The following LCP1 variants were observed in gnomAD, a reference collection of about 807,000 sequenced individuals.
LCP1 encodes plastin-2.
A neutral mutation model predicts 72.0 loss-of-function variants in LCP1; 23 were observed. That is an observed-to-expected ratio of 0.32 (90% CI 0.23 to 0.45). LCP1 has a LOEUF of 0.45. Among genes scored for constraint, LCP1 ranks in the 20% least tolerant of loss-of-function variants. The pLI, the probability that LCP1 is intolerant of heterozygous loss-of-function variation, is 1.00. For synonymous variants in LCP1, 245 were observed against 275.4 expected, an observed-to-expected ratio of 0.89 and a Z score of 1.09; for missense variants, 571 against 748.3, an observed-to-expected ratio of 0.76 and a Z score of 2.76.
chr13:46,156,401 G>A, intron 5 of LCP1, 37 bp downstream of exon 5: 1 of 1,605,264 alleles, frequency 6.2e-7, no homozygotes, highest in Non-Finnish European at 8.5e-7. Context: ...TAGAAAATGG[G>A]CAATTCTTTG....
rs2045603405 is a variant in LCP1 at position 46,127,072 on chromosome 13, T to C, written c.*519A>G. 2 of 230,984 alleles carry C rather than the reference T, an allele frequency of 8.7e-6. No homozygotes were observed. Among genetic ancestry groups the C allele is most frequent in the African/African-American group, 4.4e-5 (2 of 45,120 alleles). The allele number at this position is 230,984 out of a possible 1,614,324, so 14.3% of individuals were successfully genotyped here. A position where few individuals can be genotyped will look rare whatever the true frequency, so the allele number is the denominator to read the frequency against. On this transcript the variant is annotated 3_prime_UTR_variant, in exon 16 of 16. Coordinates refer to ENST00000323076, the MANE Select transcript of LCP1 (RefSeq NM_002298.5). ...AGATGGGCCCCCCCGGAAGGCATGG[T>C]TCCAAAAGTGTGAGGAGCAAAGTCA... is the stretch of plus-strand genomic sequence containing the variant.
chr13:46,138,688 C>T (rs1316712239), intron 13 of LCP1, among the ~76,000 whole-genome samples: 3 of 152,144 alleles, frequency 2.0e-5, no homozygotes, highest in Non-Finnish European at 4.4e-5. Flanking sequence ...GCTCCGTCAC[C>T]CAGGCTGGAG....
intron 13 of LCP1, among the ~76,000 whole-genome samples, chr13:46,141,502 A>G (rs2045698657): frequency 6.6e-6 from 1 of 152,058 alleles, no homozygotes; most frequent in Non-Finnish European, 1.5e-5. Flanking sequence ...GCCAGAAAAG[A>G]AATACTACAT....
At chr13:46,146,711 A>G (rs2045732798) in intron 10 of LCP1, among the ~76,000 whole-genome samples, 197 bp downstream of exon 10, 1 of 152,254 alleles carries the variant, frequency 6.6e-6, no homozygotes, top group South Asian at 2.1e-4. Context: ...TGGACGTGAT[A>G]GAATGGTATT....
chr13:46,180,898 T>C (rs896348110), intron 1 of LCP1, among the ~76,000 whole-genome samples: 15 of 152,250 alleles, frequency 9.9e-5, no homozygotes, highest in African/African-American at 3.1e-4. Context: ...AGTTTCACAT[T>C]TTTGCTTGTT....
chr13:46,131,835 T>C (rs2138216592), intron 14 of LCP1, among the ~76,000 whole-genome samples: 1 of 152,036 alleles, frequency 6.6e-6, no homozygotes, highest in East Asian at 1.9e-4. Context: ...GTAGGAACAA[T>C]AGACATTGAT....
intron 1 of LCP1, among the ~76,000 whole-genome samples, chr13:46,168,111 C>A (rs532733486): frequency 1.3e-5 from 2 of 152,124 alleles, no homozygotes; most frequent in Non-Finnish European, 2.9e-5. Flanking sequence ...ATGGAAATAA[C>A]TGGCAGGAAA....
chr13:46,148,069 C>A (rs1201181945), intron 9 of LCP1, among the ~76,000 whole-genome samples: 1 of 152,130 alleles, frequency 6.6e-6, no homozygotes, highest in African/African-American at 2.4e-5. Context: ...ACATTCAGAC[C>A]CATGTGGGGT....
Position 46,130,903 on chromosome 13 carries a change from G to A in LCP1, c.1662C>T (p.Asp554=). Residue 554 remains aspartate, a synonymous_variant, in exon 15 of 16, where the codon GAC becomes GAT. Transcript: ENST00000323076. ...AACCTGGTTGGATGGCATCGATGAG[G>A]TCCAGAACAGGCAGACTTGTACTAA... ...PKISTSLPVL[D]LIDAIQPGSI... 6.2e-7 allele frequency: 1 copy of A among 1,611,762 alleles called. No individual in the cohort carries two copies. The highest frequency in any genetic ancestry group is 8.5e-7 in the Non-Finnish European group (1 of 1,179,106).
intron 1 of LCP1, among the ~76,000 whole-genome samples, chr13:46,162,445 G>A (rs2045845828): frequency 6.6e-6 from 1 of 151,906 alleles, no homozygotes; most frequent in African/African-American, 2.4e-5. Flanking sequence ...GATTGCAGGC[G>A]CGCGCCTCCA....
At chr13:46,165,730 A>C (rs186994525) in intron 1 of LCP1, among the ~76,000 whole-genome samples, 54 of 152,296 alleles carry the variant, frequency 3.5e-4, no homozygotes, top group African/African-American at 1.2e-3. Context: ...GTCTTCTGCA[A>C]ATCCGTGGTC....
At position 46,130,802 on chromosome 13, in the gene LCP1, T is replaced by A; in HGVS notation, c.1751+12A>T. 6.2e-7 allele frequency: 1 copy of A among 1,613,236 alleles called. No homozygotes were observed. On this transcript the variant is annotated intron_variant, in intron 15 of 15. Coordinates refer to ENST00000323076, the MANE Select transcript of LCP1 (RefSeq NM_002298.5). ...TTCCCTCCCAATCTGAGGTTTATTT[T>A]TATTTACGTACTTTGCATTGTTGAG...
intron 1 of LCP1, among the ~76,000 whole-genome samples, chr13:46,176,262 T>C (rs1316946599): frequency 6.6e-6 from 1 of 152,228 alleles, no homozygotes; most frequent in African/African-American, 2.4e-5. Flanking sequence ...CTGATTACCC[T>C]GATCTCATCA....
At chr13:46,166,739 G>A (rs1171231690) in intron 1 of LCP1, among the ~76,000 whole-genome samples, 1 of 152,008 alleles carries the variant, frequency 6.6e-6, no homozygotes, top group African/African-American at 2.4e-5. Flanking sequence ...TTTTTAAAAA[G>A]CCATCAAGAT....
intron 9 of LCP1, among the ~76,000 whole-genome samples, chr13:46,148,068 C>T (rs1419610870): frequency 6.6e-6 from 1 of 152,200 alleles, no homozygotes; most frequent in Non-Finnish European, 1.5e-5. Flanking sequence ...AACATTCAGA[C>T]CCATGTGGGG....
intron 1 of LCP1, among the ~76,000 whole-genome samples, chr13:46,175,591 A>G (rs1000737421): frequency 3.3e-5 from 5 of 152,036 alleles, no homozygotes; most frequent in South Asian, 2.1e-4. Flanking sequence ...GGGAGGAGAA[A>G]AACTGTGTGA....
chr13:46,132,387 C>A (rs370768851), intron 14 of LCP1, among the ~76,000 whole-genome samples: 8 of 152,148 alleles, frequency 5.3e-5, no homozygotes, highest in Non-Finnish European at 8.8e-5. Context: ...TACAGCCTCA[C>A]CCCACAGGTA....
chr13:46,128,482 C>T (rs1405889635), intron 15 of LCP1, among the ~76,000 whole-genome samples: 3 of 152,138 alleles, frequency 2.0e-5, no homozygotes, highest in Non-Finnish European at 4.4e-5. Context: ...CCTGTAGTCC[C>T]AGCTACTCAG....
chr13:46,176,108 G>C (rs1239265353), intron 1 of LCP1, among the ~76,000 whole-genome samples: 1 of 152,188 alleles, frequency 6.6e-6, no homozygotes, highest in African/African-American at 2.4e-5. Flanking sequence ...CAAAATTATA[G>C]CTAGACAGGA....
Sources: gnomAD v4.1 joint callset for allele counts (sites outside exome capture counted in the v4.1 genomes callset) on GRCh38, gnomAD v4.1.1 for gene constraint, MANE v1.5 for transcripts, NCBI Gene and HGNC (gene_info 2026-07-23, HGNC 2026-07-21) for gene names.